The following EPHB1 variants were observed in gnomAD, a reference collection of about 807,000 sequenced individuals.
The protein encoded by EPHB1 is ephrin type-B receptor 1.
Under a neutral mutation model 94.4 loss-of-function variants are expected in EPHB1, and 30 were observed. That is an observed-to-expected ratio of 0.32 (90% confidence interval 0.24 to 0.43). EPHB1 has a LOEUF of 0.43. EPHB1 is among the 20% of genes least tolerant of loss of function. The pLI is 1.00. For synonymous variants in EPHB1, 522 were observed against 489.1 expected (o/e 1.07, Z -0.89); for missense variants, 1,055 against 1,308.3 (o/e 0.81, Z 2.99).
chr3:135,022,483 G>C (rs576184912), intron 3 of EPHB1, among the ~76,000 whole-genome samples: 3 of 152,254 alleles, frequency 2.0e-5, no homozygotes, highest in Non-Finnish European at 4.4e-5. Flanking sequence ...AAACCCACTT[G>C]TAACACTACT....
chr3:135,003,737 CT>C (rs1262208835), intron 3 of EPHB1, among the ~76,000 whole-genome samples: 1 of 151,868 alleles, frequency 6.6e-6, no homozygotes, highest in East Asian at 1.9e-4. Context: ...CTCTTTTGAT[CT>C]TTGTTGGTTT....
At chr3:134,895,703 C>T (rs1000984247) in intron 1 of EPHB1, among the ~76,000 whole-genome samples, 7 of 152,104 alleles carry the variant, frequency 4.6e-5, no homozygotes, top group African/African-American at 1.7e-4. Context: ...AAAAGCCACC[C>T]GAATGTTAAG....
At chr3:135,206,526 C>T (rs1408557842) in intron 12 of EPHB1, among the ~76,000 whole-genome samples, 1 of 152,122 alleles carries the variant, frequency 6.6e-6, no homozygotes, top group Non-Finnish European at 1.5e-5. Flanking sequence ...GTTTTCCTGT[C>T]TGTATTCTGA....
At chr3:135,040,721 A>G (rs7619857) in intron 3 of EPHB1, among the ~76,000 whole-genome samples, 1 of 152,236 alleles carries the variant, frequency 6.6e-6, no homozygotes, top group Non-Finnish European at 1.5e-5. Flanking sequence ...ATCATGTCAT[A>G]GCCCTGGCAG....
At chr3:135,122,630 C>A (rs1262041631) in intron 4 of EPHB1, among the ~76,000 whole-genome samples, 1 of 152,160 alleles carries the variant, frequency 6.6e-6, no homozygotes, top group East Asian at 1.9e-4. Context: ...CTTCTGCAGC[C>A]TCAAGGAAAC....
intron 2 of EPHB1, among the ~76,000 whole-genome samples, chr3:134,927,020 G>A (rs931202047): frequency 6.6e-6 from 1 of 152,158 alleles, no homozygotes; most frequent in African/African-American, 2.4e-5. Flanking sequence ...TAATCATGAA[G>A]GGAGAAGGCA....
At chr3:135,014,369 C>T (rs752008973) in intron 3 of EPHB1, among the ~76,000 whole-genome samples, 2 of 152,174 alleles carry the variant, frequency 1.3e-5, no homozygotes, top group African/African-American at 2.4e-5. Flanking sequence ...TGCTTCAAAG[C>T]TTTCCAAAAG....
At chr3:135,155,526 G>A (rs907866281) in intron 6 of EPHB1, among the ~76,000 whole-genome samples, 10 of 152,078 alleles carry the variant, frequency 6.6e-5, no homozygotes, top group South Asian at 4.2e-4. Context: ...AGACTGGGCC[G>A]GGTGCAGTGG....
chr3:135,134,144 TG>T lies in EPHB1; in HGVS notation c.1297+1100del, dbSNP rs1199260508. Among the ~76,000 whole-genome samples, 6 of 152,322 alleles carry T rather than the reference TG, an allele frequency of 3.9e-5. No individual in the cohort carries two copies. The East Asian group carries it at 7.7e-4, about 20-fold the overall frequency. On this transcript the variant is annotated intron_variant, in intron 5 of 15. Coordinates refer to ENST00000398015, the MANE Select transcript of EPHB1 (RefSeq NM_004441.5). ...AAGTGAACATCACATGCACAGGCAA[TG>T]GGGGTCATAGGCAGTGGACCGTGAT... is the stretch of plus-strand genomic sequence containing the variant.
At chr3:134,956,963 G>A (rs186623548) in intron 3 of EPHB1, among the ~76,000 whole-genome samples, 14 of 152,248 alleles carry the variant, frequency 9.2e-5, no homozygotes, top group Non-Finnish European at 1.5e-5. Context: ...ACAGCAGAGA[G>A]GAATAAGCCA....
At chr3:135,205,875 T>C (rs976931071) in intron 12 of EPHB1, among the ~76,000 whole-genome samples, 5 of 152,208 alleles carry the variant, frequency 3.3e-5, no homozygotes, top group Non-Finnish European at 7.3e-5. Flanking sequence ...GGTTCTTTTT[T>C]AAGGTAAAGT....
At chr3:134,806,324 A>T (rs892197132) in intron 1 of EPHB1, among the ~76,000 whole-genome samples, 75 of 152,162 alleles carry the variant, frequency 4.9e-4, no homozygotes, top group African/African-American at 1.8e-3. Context: ...TGCCGTTGTC[A>T]CCCAGATACC....
intron 2 of EPHB1, among the ~76,000 whole-genome samples, chr3:134,933,152 A>G (rs918499851): frequency 6.6e-6 from 1 of 151,908 alleles, no homozygotes; most frequent in African/African-American, 2.4e-5. Context: ...CTCTTGTTTT[A>G]TCTCTTTTCT....
At chr3:135,096,265 G>A (rs1229110851) in intron 3 of EPHB1, among the ~76,000 whole-genome samples, 1 of 152,170 alleles carries the variant, frequency 6.6e-6, no homozygotes, top group Non-Finnish European at 1.5e-5. Flanking sequence ...TTACAAATGG[G>A]GGGCTGAGGG....
intron 1 of EPHB1, among the ~76,000 whole-genome samples, chr3:134,871,105 T>G (rs182770561): frequency 1.3e-5 from 2 of 152,302 alleles, no homozygotes; most frequent in East Asian, 3.9e-4. Context: ...TAGAAAAGCA[T>G]AGGCTAGAGG....
chr3:135,214,612 T>A (rs938194173), intron 12 of EPHB1, among the ~76,000 whole-genome samples: 6 of 152,152 alleles, frequency 3.9e-5, no homozygotes, highest in African/African-American at 9.7e-5. Flanking sequence ...AGCACCCTCA[T>A]CTCACCACCA....
At chr3:135,011,182 T>G (rs1935606807) in intron 3 of EPHB1, among the ~76,000 whole-genome samples, 1 of 152,228 alleles carries the variant, frequency 6.6e-6, no homozygotes, top group Non-Finnish European at 1.5e-5. Flanking sequence ...TTCATGGACA[T>G]TGCTTCAGTG....
At chr3:135,203,928 G>T (rs1454139078) in intron 12 of EPHB1, among the ~76,000 whole-genome samples, 2 of 151,724 alleles carry the variant, frequency 1.3e-5, no homozygotes, top group East Asian at 1.9e-4. Context: ...CCTCACAAAG[G>T]GTTGCTGCTT....
chr3:134,986,057 A>G (rs998862356), intron 3 of EPHB1, among the ~76,000 whole-genome samples: 3 of 152,196 alleles, frequency 2.0e-5, no homozygotes, highest in Non-Finnish European at 4.4e-5. Context: ...ATGAAACACA[A>G]ATAAGGAAGT....
Sources: allele counts gnomAD v4.1 joint callset (sites outside exome capture counted in the v4.1 genomes callset), GRCh38; gene constraint gnomAD v4.1.1; transcripts MANE v1.5; gene names NCBI Gene and HGNC (gene_info 2026-07-23, HGNC 2026-07-21).